Variants in EVI5 observed in about 807,000 individuals in gnomAD.
EVI5 encodes the protein ecotropic viral integration site 5 protein homolog.
In EVI5, 73 loss-of-function variants were observed where a neutral mutation model predicts 112.0. That is an observed-to-expected ratio of 0.65 (90% confidence interval 0.54 to 0.79). The LOEUF is 0.79. Among genes scored for constraint, EVI5 ranks in the 30% least tolerant of loss-of-function variants. EVI5 has a pLI of 0.00. For synonymous variants in EVI5, 305 were observed against 319.9 expected, an observed-to-expected ratio of 0.95 and a Z score of 0.50; for missense variants, 900 against 968.8, an observed-to-expected ratio of 0.93 and a Z score of 0.94.
chr1:92,543,824 C>T (rs1378052685), intron 19 of EVI5, among the ~76,000 whole-genome samples: 1 of 152,174 alleles, frequency 6.6e-6, no homozygotes, highest in Non-Finnish European at 1.5e-5. Flanking sequence ...TGAGCACACG[C>T]TGTTGGAAAA....
chr1:92,607,819 A>G, intron 16 of EVI5, 92 bp from the exon 17 acceptor site: 1 of 783,738 alleles, frequency 1.3e-6, no homozygotes, highest in Non-Finnish European at 2.0e-6. Flanking sequence ...TAACATTATT[A>G]AAAATGTTAC....
chr1:92,749,098 C>G (rs1346931057), intron 1 of EVI5: 1 of 164,994 alleles, frequency 6.1e-6, no homozygotes, highest in Non-Finnish European at 1.3e-5. Context: ...AAAAGAAAAC[C>G]TTCATAGCTA....
At chr1:92,713,429 A>T (rs1673138553) in intron 2 of EVI5, among the ~76,000 whole-genome samples, 1 of 151,812 alleles carries the variant, frequency 6.6e-6, no homozygotes. Flanking sequence ...GTTTTCAAAG[A>T]TTCCTGTTGA....
intron 1 of EVI5, among the ~76,000 whole-genome samples, chr1:92,782,354 C>A (rs1410634114): frequency 2.0e-5 from 3 of 151,312 alleles, no homozygotes; most frequent in Non-Finnish European, 3.0e-5. Flanking sequence ...AAAATACAGA[C>A]TGAAAAAAAT....
rs3216193 is a variant in EVI5 at position 92,755,068 on chromosome 1, G to GT, written c.-81-18442dup. On this transcript the variant is annotated intron_variant, in intron 1 of 19. Transcript: ENST00000684568. ...CTTAAGGTGGGTGATGTGAACATAG[G>GT]TTTTTTTTTTTTTTTTTTTTTGCAT... is the stretch of plus-strand genomic sequence containing the variant. Among the ~76,000 whole-genome samples, 104 of 33,562 alleles carry GT rather than the reference G, an allele frequency of 3.1e-3. 2 individuals carry two copies. Among genetic ancestry groups the GT allele is most frequent in the Non-Finnish European group, 4.6e-3 (73 of 15,724 alleles). The allele number at this position is 33,562 out of a possible 152,430, so 22.0% of individuals were successfully genotyped here. A position where few individuals can be genotyped will look rare whatever the true frequency, so the allele number is the denominator to read the frequency against.
chr1:92,565,619 A>G (rs1403824818), intron 18 of EVI5, among the ~76,000 whole-genome samples: 1 of 152,026 alleles, frequency 6.6e-6, no homozygotes, highest in East Asian at 1.9e-4. Context: ...CTACCCTCCA[A>G]CTTCATCCTA....
chr1:92,726,110 C>T (rs915375582), intron 2 of EVI5, among the ~76,000 whole-genome samples: 1 of 152,132 alleles, frequency 6.6e-6, no homozygotes, highest in East Asian at 1.9e-4. Context: ...TACTTAGAGT[C>T]TCTAAAGAAG....
At chr1:92,514,174 G>T (rs1156700216) in intron 19 of EVI5, among the ~76,000 whole-genome samples, 7 of 152,134 alleles carry the variant, frequency 4.6e-5, no homozygotes, top group African/African-American at 1.7e-4. Context: ...TTTGAGACAG[G>T]TCTCAGTCTC....
intron 7 of EVI5, 56 bp from the exon 8 acceptor site, chr1:92,694,444 C>T (rs1403198451): frequency 6.8e-6 from 7 of 1,035,544 alleles, no homozygotes; most frequent in Middle Eastern, 2.1e-4. Flanking sequence ...TCAACAAAAA[C>T]GAGTCATTTG....
chr1:92,735,624 A>T (rs1677207124), intron 2 of EVI5, among the ~76,000 whole-genome samples: 1 of 136,912 alleles, frequency 7.3e-6, no homozygotes, highest in Non-Finnish European at 1.6e-5. Context: ...TAATTATATG[A>T]TATATGATAT....
intron 1 of EVI5, among the ~76,000 whole-genome samples, chr1:92,764,411 G>T (rs913298197): frequency 2.6e-5 from 4 of 152,152 alleles, no homozygotes; most frequent in Admixed American, 2.6e-4. Context: ...TAGACCACAG[G>T]TGTGGCAAGA....
chr1:92,617,521 C>T (rs1653478458), intron 16 of EVI5, among the ~76,000 whole-genome samples: 1 of 152,178 alleles, frequency 6.6e-6, no homozygotes, highest in South Asian at 2.1e-4. Context: ...ACCACTCAGC[C>T]TCTTTTCCAA....
intron 10 of EVI5, among the ~76,000 whole-genome samples, chr1:92,676,759 G>A (rs1057339937): frequency 3.3e-5 from 5 of 152,118 alleles, no homozygotes; most frequent in African/African-American, 4.8e-5. Flanking sequence ...CAGCTCTAGA[G>A]CAACCATAAT....
chr1:92,613,294 TATTTA>T (rs1156311669), intron 16 of EVI5, among the ~76,000 whole-genome samples: 6 of 152,262 alleles, frequency 3.9e-5, no homozygotes, highest in Admixed American at 1.3e-4. Flanking sequence ...TTTATTTATT[TATTTA>T]ATTTATTTTT....
At chr1:92,598,585 C>CA (rs1157874735) in intron 18 of EVI5, among the ~76,000 whole-genome samples, 1 of 151,896 alleles carries the variant, frequency 6.6e-6, no homozygotes, top group Non-Finnish European at 1.5e-5. Context: ...TCAGAATTGT[C>CA]AAAAAATATT....
At chr1:92,678,757 C>G (rs1667137200) in intron 9 of EVI5, among the ~76,000 whole-genome samples, 1 of 152,088 alleles carries the variant, frequency 6.6e-6, no homozygotes, top group Admixed American at 6.6e-5. Flanking sequence ...CAAATATAAA[C>G]CAGACCAGGC....
At chr1:92,646,771 G>A (rs1251449914) in intron 13 of EVI5, among the ~76,000 whole-genome samples, 1 of 152,136 alleles carries the variant, frequency 6.6e-6, no homozygotes, top group Non-Finnish European at 1.5e-5. Flanking sequence ...CATAGAGTGA[G>A]GAAAACATGA....
chr1:92,683,310 G>T (rs1667913187), intron 9 of EVI5, among the ~76,000 whole-genome samples: 1 of 152,166 alleles, frequency 6.6e-6, no homozygotes, highest in Admixed American at 6.5e-5. Flanking sequence ...CAAAAGATCT[G>T]CAGCTGAGGG....
chr1:92,546,971 T>A (rs915255354), intron 19 of EVI5, among the ~76,000 whole-genome samples: 26 of 152,138 alleles, frequency 1.7e-4, no homozygotes, highest in African/African-American at 6.3e-4. Context: ...TATCCAGGAA[T>A]TGAACTCAGC....
Sources: gnomAD v4.1 joint callset for allele counts (sites outside exome capture counted in the v4.1 genomes callset) on GRCh38, gnomAD v4.1.1 for gene constraint, MANE v1.5 for transcripts, NCBI Gene and HGNC (gene_info 2026-07-23, HGNC 2026-07-21) for gene names.